Variants in LITAF observed in about 807,000 individuals in gnomAD.
LITAF encodes the protein lipopolysaccharide induced TNF factor, also known as lipopolysaccharide-induced tumor necrosis factor-alpha factor.
LITAF carries 9 observed loss-of-function variants against 14.5 expected under a neutral mutation model. That is an observed-to-expected ratio of 0.62 (90% CI 0.37 to 1.08). LITAF has a LOEUF of 1.08. Among genes scored for constraint, LITAF ranks in the 50% least tolerant of loss-of-function variants. The pLI is 0.01. For missense variants in LITAF, 206 were observed against 213.4 expected (o/e 0.97, Z 0.22); for synonymous variants, 98 against 88.2 (o/e 1.11, Z -0.62).
At position 11,631,014 on chromosome 16, in the gene LITAF, A is replaced by G. The variant is rs147425135; in HGVS notation, c.85+2519T>C. On this transcript the variant is annotated intron_variant, in intron 3 of 3. Coordinates refer to the LITAF transcript ENST00000574848. ...TCTAAGCACTGTCTGCTTATTTTTG[A>G]TATTATTTTCCCTGTTTACATTTGC... 5.9e-5 allele frequency among the ~76,000 whole-genome samples: 9 copies of G among 152,282 alleles called. No individual in the cohort carries two copies. The East Asian group carries it at 1.7e-3, about 29-fold the overall frequency.
chr16:11,585,623 A>G (rs370881770), intron 1 of LITAF, among the ~76,000 whole-genome samples: 63 of 152,260 alleles, frequency 4.1e-4, no homozygotes, highest in African/African-American at 1.4e-3. Context: ...CCTAAATAGG[A>G]AGTCCTAAAA....
At chr16:11,562,211 G>A (rs755079083) in intron 1 of LITAF, among the ~76,000 whole-genome samples, 1 of 150,236 alleles carries the variant, frequency 6.7e-6, no homozygotes, top group African/African-American at 2.5e-5. Context: ...ATGAGCCACC[G>A]TGCCCTGCCT....
intron 1 of LITAF, among the ~76,000 whole-genome samples, chr16:11,583,991 C>T (rs78253827): frequency 2.0e-5 from 3 of 152,128 alleles, no homozygotes; most frequent in Non-Finnish European, 4.4e-5. Context: ...CACCTGTGTC[C>T]AGAGTGTCAA....
rs149590711 is a variant in LITAF at position 11,560,072 on chromosome 16, G to A, written c.-5-3337C>T. Among the ~76,000 whole-genome samples the A allele has an allele frequency of 4.6e-3, 704 of 152,270 alleles. 8 individuals carry two copies. Among genetic ancestry groups the A allele is most frequent in the African/African-American group, 0.015 (642 of 41,544 alleles). On this transcript the variant is annotated intron_variant, in intron 1 of 3. Transcript: ENST00000622633. ...AGTACTTTGGGAGGCCAAGGCAGAC[G>A]GATCGCCTGAGGTCAGGAGTTTGAG...
chr16:11,615,443 A>G (rs2065013115), intron 3 of LITAF, among the ~76,000 whole-genome samples: 1 of 151,956 alleles, frequency 6.6e-6, no homozygotes, highest in Non-Finnish European at 1.5e-5. Context: ...AGGCTGAGGC[A>G]GGAGAATCGC....
In LITAF at chr16:11,556,347, A is replaced by T; in HGVS notation, c.220+164T>A. On this transcript the variant is annotated intron_variant, in intron 2 of 3. Coordinates refer to ENST00000622633, the MANE Select transcript of LITAF (RefSeq NM_001136472.2). ...CGGAAAAGCTGTGAGCCTCACCAAC[A>T]TGGAATCTAAAAGACTGCGTGTGGA... 5 of 626,050 alleles carry T rather than the reference A, an allele frequency of 8.0e-6. No homozygotes were observed. The South Asian group carries it at 1.0e-4, about 13-fold the overall frequency. The allele number at this position is 626,050 out of a possible 1,614,324, so 38.8% of individuals were successfully genotyped here. A position where few individuals can be genotyped will look rare whatever the true frequency, so the allele number is the denominator to read the frequency against.
At chr16:11,593,354 C>CAAAAAAAA (rs57678584) in intron 1 of LITAF, among the ~76,000 whole-genome samples, 2 of 54,750 alleles carry the variant, frequency 3.7e-5, no homozygotes. Flanking sequence ...AACTCTGTCT[C>CAAAAAAAA]AAAAAAAAAA....
intron 2 of LITAF, chr16:11,635,820 A>C (rs890118677): frequency 2.0e-5 from 3 of 152,252 alleles, no homozygotes; most frequent in African/African-American, 7.2e-5. Flanking sequence ...CCACACTCCC[A>C]GTACCTTTTT....
chr16:11,570,589 G>C (rs577907315), intron 1 of LITAF, among the ~76,000 whole-genome samples: 2 of 152,320 alleles, frequency 1.3e-5, no homozygotes, highest in Admixed American at 1.3e-4. Context: ...GTGACCTTAA[G>C]TGGTAAAGAC....
At chr16:11,580,525 G>GGA (rs1567251247) in intron 1 of LITAF, among the ~76,000 whole-genome samples, 35 of 152,172 alleles carry the variant, frequency 2.3e-4, no homozygotes, top group African/African-American at 8.2e-4. Flanking sequence ...CAAAGTGCTG[G>GGA]TATTACAGGC....
intron 3 of LITAF, among the ~76,000 whole-genome samples, chr16:11,604,033 C>T (rs538329578): frequency 1.7e-4 from 25 of 150,966 alleles, no homozygotes; most frequent in African/African-American, 5.9e-4. Context: ...GGCAACAGAG[C>T]GAGACTCCAC....
chr16:11,611,549 A>C (rs949191368), intron 3 of LITAF, among the ~76,000 whole-genome samples: 7 of 152,086 alleles, frequency 4.6e-5, no homozygotes, highest in African/African-American at 1.4e-4. Context: ...CTATAACAAT[A>C]CTTTTTACCA....
rs759458884 is a variant in LITAF, at chr16:11,548,774, G to A, written c.*863C>T. The A allele has an allele frequency of 8.8e-6, 4 of 452,920 alleles. No homozygotes were observed. Among genetic ancestry groups the A allele is most frequent in the South Asian group, 6.2e-5 (4 of 64,174 alleles). The allele number at this position is 452,920 out of a possible 1,614,324, so 28.1% of individuals were successfully genotyped here. On this transcript the variant is annotated 3_prime_UTR_variant, in exon 4 of 4. Coordinates refer to ENST00000622633, the MANE Select transcript of LITAF (RefSeq NM_001136472.2). The stretch of plus-strand genomic sequence containing the variant: ...AAGGATCGCTTGAGCCCAGGAGTTC[G>A]ACACCAGCCTGGGCAACATAGTAAG...
upstream of LITAF, among the ~76,000 whole-genome samples, chr16:11,637,168 G>T (rs1364511980): frequency 6.6e-6 from 1 of 152,206 alleles, no homozygotes; most frequent in African/African-American, 2.4e-5. Flanking sequence ...TATGATTATA[G>T]GCGCAGGCCA....
intron 2 of LITAF, among the ~76,000 whole-genome samples, chr16:11,635,121 T>A (rs940558649): frequency 1.3e-5 from 2 of 152,144 alleles, no homozygotes; most frequent in African/African-American, 4.8e-5. Context: ...GCCAGCTCTG[T>A]GTGAATTAAA....
At chr16:11,589,124 C>A (rs1213925995), upstream of LITAF, among the ~76,000 whole-genome samples, 1 of 152,020 alleles carries the variant, frequency 6.6e-6, no homozygotes, top group Non-Finnish European at 1.5e-5. Flanking sequence ...CTTTGATCCC[C>A]AAAAAACCAC....
intron 1 of LITAF, among the ~76,000 whole-genome samples, chr16:11,594,613 C>T (rs2064870353): frequency 6.6e-6 from 1 of 152,216 alleles, no homozygotes; most frequent in South Asian, 2.1e-4. Context: ...TGGTGGCTCA[C>T]ACCTGCAACC....
chr16:11,582,951 G>T (rs949540409), intron 1 of LITAF, among the ~76,000 whole-genome samples: 4 of 152,172 alleles, frequency 2.6e-5, no homozygotes, highest in African/African-American at 4.8e-5. Flanking sequence ...TGTTGTCATG[G>T]AATTTAACCT....
intron 1 of LITAF, among the ~76,000 whole-genome samples, chr16:11,570,029 CAA>C (rs61431032): frequency 9.0e-5 from 11 of 122,726 alleles, no homozygotes; most frequent in South Asian, 2.6e-4. Flanking sequence ...GACTTTGCCT[CAA>C]AAAAAAAAAA....
Sources: gnomAD v4.1 joint callset for allele counts (sites outside exome capture counted in the v4.1 genomes callset) on GRCh38, gnomAD v4.1.1 for gene constraint, MANE v1.5 for transcripts, NCBI Gene and HGNC (gene_info 2026-07-23, HGNC 2026-07-21) for gene names.